Variants in USH2A observed in about 807,000 individuals in gnomAD.
USH2A encodes the protein usherin.
Under a neutral mutation model 538.9 loss-of-function variants are expected in USH2A, and 443 were observed. The observed-to-expected ratio is 0.82, with a 90% CI of 0.76 to 0.89. The LOEUF is 0.89. USH2A is among the 40% of genes least tolerant of loss of function. The pLI is 0.00. For synonymous variants in USH2A, 2,413 were observed against 2,273.5 expected, an observed-to-expected ratio of 1.06 and a Z score of -1.75; for missense variants, 6,633 against 6,324.8, an observed-to-expected ratio of 1.05 and a Z score of -1.65.
In USH2A at chr1:215,748,647, T is replaced by C. The variant is rs551168431; in HGVS notation, c.11390-5312A>G. 4.6e-5 allele frequency among the ~76,000 whole-genome samples: 7 copies of C among 152,290 alleles called. No individual in the cohort carries two copies. In the East Asian group the frequency reaches 1.4e-3, roughly 29 times the overall value. The stretch of plus-strand genomic sequence containing the variant: ...TTCATAAGAAACATGCCATCATTCT[T>C]GTTGAACTAGACAAACCACAGAGTG... On this transcript the variant is annotated intron_variant, in intron 58 of 71. Coordinates refer to ENST00000307340, the MANE Select transcript of USH2A (RefSeq NM_206933.4).
At position 216,277,653 on chromosome 1, in the gene USH2A, G is replaced by T. The variant is rs79606019; in HGVS notation, c.1971+11627C>A. Among the ~76,000 whole-genome samples the T allele has an allele frequency of 3.7e-3, 558 of 152,182 alleles. 3 individuals are homozygous for T. The highest frequency in any genetic ancestry group is 0.013 in the African/African-American group (536 of 41,532). Reference sequence around the variant, plus strand: ...GACTCATTCTCCCTAGTCTTCAATAGTACACAAATGTAGCTGCAAAGTGGT... The same window carrying T: ...GACTCATTCTCCCTAGTCTTCAATATTACACAAATGTAGCTGCAAAGTGGT... On this transcript the variant is annotated intron_variant, in intron 11 of 71. Coordinates refer to ENST00000307340, the MANE Select transcript of USH2A (RefSeq NM_206933.4).
At chr1:216,198,710 A>G in intron 17 of USH2A, 126 bp from the exon 18 acceptor site, 1 of 897,872 alleles carries the variant, frequency 1.1e-6, no homozygotes, top group Non-Finnish European at 1.7e-6. Context: ...ATTACTGTCA[A>G]TTTCTTTAGC....
At position 215,758,596 on chromosome 1, in the gene USH2A, T is replaced by G; in HGVS notation, c.11388A>C (p.Pro3796=). 1 of 1,612,056 alleles carries G rather than the reference T, an allele frequency of 6.2e-7. No homozygotes were observed. Among genetic ancestry groups the G allele is most frequent in the Non-Finnish European group, 8.5e-7 (1 of 1,179,126 alleles). Residue 3796 remains proline (P), a splice_region_variant and synonymous_variant, in exon 58 of 72, where the codon CCA becomes CCC. Coordinates refer to ENST00000307340, the MANE Select transcript of USH2A (RefSeq NM_206933.4). ...CACATACTTCTTTTTTTTTTTTACC[T>G]GGTGGTATCCAAGCTACAAATATAG... ...PYSIFVAWIP[P]GILIPEIPVE...
intron 21 of USH2A, among the ~76,000 whole-genome samples, chr1:216,129,225 T>C (rs556844886): frequency 6.6e-6 from 1 of 152,228 alleles, no homozygotes; most frequent in East Asian, 1.9e-4. Flanking sequence ...AGAGTGTAAA[T>C]ATCTCTTTGA....
chr1:216,392,178 A>C (rs2039121909), intron 3 of USH2A, among the ~76,000 whole-genome samples: 1 of 152,124 alleles, frequency 6.6e-6, no homozygotes, highest in African/African-American at 2.4e-5. Flanking sequence ...TGCAAGGACA[A>C]ATACAAAACA....
chr1:215,923,271 A>AC (rs1416379663), intron 38 of USH2A, among the ~76,000 whole-genome samples: 3 of 152,090 alleles, frequency 2.0e-5, no homozygotes, highest in Admixed American at 2.0e-4. Context: ...AAACAAACAA[A>AC]AAAACACTCA....
chr1:215,831,820 T>C (rs1031696396), intron 47 of USH2A, among the ~76,000 whole-genome samples: 50 of 151,888 alleles, frequency 3.3e-4, no homozygotes, highest in African/African-American at 1.2e-3. Context: ...CAGAAATCAC[T>C]GAAATGGAAA....
At chr1:215,812,982 T>A (rs1662739097) in intron 49 of USH2A, among the ~76,000 whole-genome samples, 1 of 152,176 alleles carries the variant, frequency 6.6e-6, no homozygotes, top group Non-Finnish European at 1.5e-5. Flanking sequence ...TCTAAAACAG[T>A]TTCCTTACTT....
intron 55 of USH2A, 24 bp downstream of exon 55, chr1:215,779,819 T>C (rs758244289): frequency 6.2e-7 from 1 of 1,611,924 alleles, no homozygotes; most frequent in Non-Finnish European, 8.5e-7. Flanking sequence ...TCCAGTAGGA[T>C]TTCCTTTTTT....
intron 4 of USH2A, among the ~76,000 whole-genome samples, chr1:216,333,922 T>C (rs944234473): frequency 6.6e-6 from 1 of 152,092 alleles, no homozygotes; most frequent in Non-Finnish European, 1.5e-5. Flanking sequence ...ATTGAGAGGT[T>C]TTATCACTAT....
chr1:216,367,495 T>G (rs1358181647), intron 3 of USH2A, among the ~76,000 whole-genome samples: 1 of 152,236 alleles, frequency 6.6e-6, no homozygotes, highest in Non-Finnish European at 1.5e-5. Flanking sequence ...ATTTTCTGTA[T>G]TCACTGTATT....
chr1:215,796,016 A>C (rs1662122511), intron 50 of USH2A, among the ~76,000 whole-genome samples: 1 of 125,394 alleles, frequency 8.0e-6, no homozygotes, highest in African/African-American at 3.2e-5. Context: ...AATGTTTTTC[A>C]AATAAAAAAT....
rs766607329 is a variant in USH2A, at chr1:216,196,547, C to T, written c.4251+6G>A. ...CTGAAAGGACATTAGTTAAAAATAA[C>T]AATACCTGTGAAAACGCCATGGGAA... On this transcript the variant is annotated splice_donor_region_variant and intron_variant, in intron 19 of 71. Coordinates refer to ENST00000307340, the MANE Select transcript of USH2A (RefSeq NM_206933.4). 1.9e-6 allele frequency: 3 copies of T among 1,613,062 alleles called. No homozygotes were observed. Among genetic ancestry groups the T allele is most frequent in the East Asian group, 2.2e-5 (1 of 44,746 alleles).
intron 55 of USH2A, among the ~76,000 whole-genome samples, chr1:215,774,984 C>A (rs1421102510): frequency 6.7e-6 from 1 of 149,060 alleles, no homozygotes; most frequent in Non-Finnish European, 1.5e-5. Context: ...AAAACAAATT[C>A]TTATCTCTAT....
chr1:215,817,105 A>AGCG lies in USH2A; in HGVS notation c.9459_9461dup (p.Ala3154dup). On this transcript the variant is annotated inframe_insertion, in exon 48 of 72. Transcript: ENST00000307340. ...GATCCTGCACTAACTTTTGAGTTTTAGCGCATGGATACCATGTTTTCCATA... is the reference window on the plus strand; with the variant it reads ...GATCCTGCACTAACTTTTGAGTTTTAGCGGCGCATGGATACCATGTTTTCCATA... 6.2e-7 allele frequency: 1 copy of AGCG among 1,612,934 alleles called. No individual in the cohort carries two copies. The highest frequency in any genetic ancestry group is 8.5e-7 in the Non-Finnish European group (1 of 1,179,120).
In USH2A at chr1:215,648,756, C is replaced by G; in HGVS notation, c.14354G>C (p.Gly4785Ala). ...ATGGAGAGTCTGCTGGGTGGCCATG[C>G]CTTCGGATAGCTGTGGAAGGAAGGA... ...AHGAETVLSE[G>A]MATQQTLHGL... is the part of the protein sequence containing the mutation. Residue 4785 changes from glycine to alanine, a missense_variant, in exon 66 of 72, where the codon GGC becomes GCC. Transcript: ENST00000307340. The G allele has an allele frequency of 1.2e-6, 2 of 1,613,964 alleles. No homozygotes were observed. The highest frequency in any genetic ancestry group is 1.7e-6 in the Non-Finnish European group (2 of 1,179,950).
In USH2A at chr1:216,387,430, A is replaced by G. The variant is rs146534288; in HGVS notation, c.652-22345T>C. Among the ~76,000 whole-genome samples, 535 of 152,334 alleles carry G rather than the reference A, an allele frequency of 3.5e-3. 3 individuals are homozygous for G. Among genetic ancestry groups the G allele is most frequent in the African/African-American group, 0.012 (519 of 41,582 alleles). On this transcript the variant is annotated intron_variant, in intron 3 of 71. Coordinates refer to ENST00000307340, the MANE Select transcript of USH2A (RefSeq NM_206933.4). ...ATGAAAAAAGAAACAACTCTTCAAT[A>G]TAGATCAAATGTTTCTGTGTGAAAT...
rs754142378 is a variant in USH2A at position 215,634,471 on chromosome 1, C to T, written c.15285G>A (p.Gly5095=). ...RMSPLNVYPP[G]ENHMGLADTK... ...TCTACAAACATACCATATGGTTTTCCCCCGGTGGGTAAACATTCAATGGAG... is the reference window on the plus strand; with the variant it reads ...TCTACAAACATACCATATGGTTTTCTCCCGGTGGGTAAACATTCAATGGAG... The change falls in exon 70 of 72, where the codon GGG becomes GGA. Residue 5095 remains glycine, a synonymous_variant. Coordinates refer to ENST00000307340, the MANE Select transcript of USH2A (RefSeq NM_206933.4). The T allele has an allele frequency of 3.7e-6, 6 of 1,614,042 alleles. No individual in the cohort carries two copies. The highest frequency in any genetic ancestry group is 5.1e-6 in the Non-Finnish European group (6 of 1,180,030).
intron 11 of USH2A, among the ~76,000 whole-genome samples, chr1:216,285,462 C>T (rs1351403214): frequency 6.6e-6 from 1 of 152,210 alleles, no homozygotes; most frequent in Non-Finnish European, 1.5e-5. Context: ...GCCTGGATGT[C>T]CAGGCAGAGG....
Sources: allele counts gnomAD v4.1 joint callset (sites outside exome capture counted in the v4.1 genomes callset), GRCh38; gene constraint gnomAD v4.1.1; transcripts MANE v1.5; gene names NCBI Gene and HGNC (gene_info 2026-07-23, HGNC 2026-07-21).